Variants in CROT observed in about 807,000 individuals in gnomAD.
CROT encodes the protein carnitine O-octanoyltransferase.
A neutral mutation model predicts 89.2 loss-of-function variants in CROT; 84 were observed. The ratio of observed to expected loss-of-function variants is 0.94; its 90% confidence interval spans 0.79 to 1.13. The LOEUF is 1.13. Ranked by LOEUF, CROT falls within the 50% of genes most tolerant of loss-of-function variation. The pLI is 0.00. For synonymous variants in CROT, 212 were observed against 239.5 expected, an observed-to-expected ratio of 0.89 and a Z score of 1.06; for missense variants, 711 against 727.8, an observed-to-expected ratio of 0.98 and a Z score of 0.27.
chr7:87,361,670 T>C (rs1806278409), intron 5 of CROT, 58 bp from the exon 6 acceptor site: 3 of 1,538,466 alleles, frequency 1.9e-6, no homozygotes, highest in East Asian at 2.3e-5. Flanking sequence ...AACACTTCAG[T>C]TGTGGCTGGT....
At chr7:87,381,867 G>T in intron 10 of CROT, 43 bp from the exon 11 acceptor site, 1 of 1,362,996 alleles carries the variant, frequency 7.3e-7, no homozygotes, top group Non-Finnish European at 1.0e-6. Flanking sequence ...CAAGTTTTAA[G>T]TTGACATAAA....
At chr7:87,350,551 A>G (rs964759999) in intron 3 of CROT, among the ~76,000 whole-genome samples, 8 of 152,054 alleles carry the variant, frequency 5.3e-5, no homozygotes, top group East Asian at 1.9e-4. Context: ...TCAGTTGGTG[A>G]GGAAGGAATT....
intron 4 of CROT, chr7:87,359,607 T>G (rs2115833661): frequency 8.5e-7 from 1 of 1,177,338 alleles, no homozygotes; most frequent in Middle Eastern, 3.6e-4. Context: ...TCATGTGGTT[T>G]GGCTGCAGGT....
intron 3 of CROT, among the ~76,000 whole-genome samples, chr7:87,355,612 C>T (rs1388336303): frequency 6.6e-6 from 1 of 152,058 alleles, no homozygotes; most frequent in East Asian, 1.9e-4. Flanking sequence ...AAAAAAATGA[C>T]AGGTGTAAAC....
chr7:87,356,487 A>G (rs1806071769), intron 3 of CROT, among the ~76,000 whole-genome samples: 1 of 152,238 alleles, frequency 6.6e-6, no homozygotes, highest in Non-Finnish European at 1.5e-5. Context: ...TTTTATTTCA[A>G]TACTAGTAGA....
chr7:87,372,673 C>G (rs1301739919), intron 7 of CROT, among the ~76,000 whole-genome samples: 1 of 152,146 alleles, frequency 6.6e-6, no homozygotes, highest in Non-Finnish European at 1.5e-5. Flanking sequence ...CTATTTTATA[C>G]ATTTTATTAA....
rs1355574077 is a variant in CROT, at chr7:87,390,310, A to C, written c.1302-1279A>C. 2.0e-5 allele frequency among the ~76,000 whole-genome samples: 3 copies of C among 152,094 alleles called. No individual in the cohort carries two copies. In the East Asian group the frequency reaches 5.8e-4, roughly 29 times the overall value. Reference sequence around the variant, plus strand: ...CTATTATAAAAAGTTTACTCCCTGAATTTTTTACCTAACGTTTCAGTAGTC... The same window carrying C: ...CTATTATAAAAAGTTTACTCCCTGACTTTTTTACCTAACGTTTCAGTAGTC... On this transcript the variant is annotated intron_variant, in intron 13 of 17. Transcript: ENST00000331536.
At chr7:87,377,323 A>G (rs1806839570) in intron 9 of CROT, 26 bp from the exon 10 acceptor site, 1 of 1,456,946 alleles carries the variant, frequency 6.9e-7, no homozygotes, top group African/African-American at 1.4e-5. Flanking sequence ...AACCCTTTTA[A>G]TTTGGAAAAA....
At chr7:87,354,261 T>A (rs1221414432) in intron 3 of CROT, 1 of 427,998 alleles carries the variant, frequency 2.3e-6, no homozygotes, top group Non-Finnish European at 4.6e-6. Flanking sequence ...AAAGACAGCA[T>A]AGGAATTATA....
intron 15 of CROT, 38 bp downstream of exon 15, chr7:87,392,682 C>T (rs1200993789): frequency 1.5e-5 from 24 of 1,609,388 alleles, no homozygotes; most frequent in Non-Finnish European, 2.0e-5. Flanking sequence ...AAAAATCTCT[C>T]ATGGTGAAAA....
At chr7:87,354,151 A>G (rs764373912) in intron 3 of CROT, among the ~76,000 whole-genome samples, 4 of 152,248 alleles carry the variant, frequency 2.6e-5, no homozygotes, top group African/African-American at 4.8e-5. Context: ...CATTTAGCCA[A>G]AGTGATAATG....
At chr7:87,383,694 G>A (rs929876548) in intron 13 of CROT, among the ~76,000 whole-genome samples, 4 of 151,874 alleles carry the variant, frequency 2.6e-5, no homozygotes, top group Admixed American at 6.6e-5. Context: ...ATGGGGTTTC[G>A]TCGTGTTGGC....
intron 17 of CROT, among the ~76,000 whole-genome samples, chr7:87,395,433 A>G (rs369002002): frequency 6.6e-6 from 1 of 152,186 alleles, no homozygotes; most frequent in South Asian, 2.1e-4. Context: ...GCATCCTTCA[A>G]TCAAACCAAG....
chr7:87,352,729 A>T (rs1021871390), intron 3 of CROT, among the ~76,000 whole-genome samples: 1 of 152,226 alleles, frequency 6.6e-6, no homozygotes, highest in Non-Finnish European at 1.5e-5. Context: ...AAACATAAGG[A>T]ATTAATGTTT....
intron 10 of CROT, among the ~76,000 whole-genome samples, 163 bp from the exon 11 acceptor site, chr7:87,381,747 A>G (rs1807013556): frequency 6.6e-6 from 1 of 152,216 alleles, no homozygotes; most frequent in Non-Finnish European, 1.5e-5. Flanking sequence ...CAGTTACTGA[A>G]CTGTAGGGAA....
chr7:87,355,185 G>A (rs1806021757), intron 3 of CROT, among the ~76,000 whole-genome samples: 1 of 150,908 alleles, frequency 6.6e-6, no homozygotes, highest in South Asian at 2.1e-4. Flanking sequence ...TTGCAGCCTT[G>A]ACAGCCCAGG....
Position 87,382,509 on chromosome 7 carries a change from G to C in CROT, c.1267G>C (p.Ala423Pro), listed in dbSNP as rs1224000084. 2 of 1,613,746 alleles carry C rather than the reference G, an allele frequency of 1.2e-6. No homozygotes were observed. Among genetic ancestry groups the C allele is most frequent in the Non-Finnish European group, 1.7e-6 (2 of 1,179,854 alleles). Residue 423 changes from alanine to proline, a missense_variant, in exon 13 of 18, where the codon GCA (alanine) becomes CCA (proline). Physicochemically the swap from Ala to Pro is conservative, Grantham distance 27 (BLOSUM62 -1). Transcript: ENST00000331536. ...MLHPDTFIQL[A>P]LQLAYYRLHG... ...TCACCCGGATACGTTTATTCAGCTT[G>C]CACTTCAGCTGGCCTATTACAGACT... is the stretch of plus-strand genomic sequence containing the variant.
chr7:87,357,572 A>C, intron 3 of CROT: 644 of 1,309,640 alleles, frequency 4.9e-4, no homozygotes, highest in Non-Finnish European at 6.5e-4. Flanking sequence ...CTTGGATCTC[A>C]CGCGGGAAGG....
chr7:87,375,462 C>T, intron 7 of CROT, 170 bp from the exon 8 acceptor site: 1 of 555,648 alleles, frequency 1.8e-6, no homozygotes, highest in South Asian at 2.4e-5. Flanking sequence ...TAATAGAACA[C>T]AATCACTTAA....
Sources: gnomAD v4.1 joint callset for allele counts (sites outside exome capture counted in the v4.1 genomes callset) on GRCh38, gnomAD v4.1.1 for gene constraint, MANE v1.5 for transcripts, NCBI Gene and HGNC (gene_info 2026-07-23, HGNC 2026-07-21) for gene names.